The following MYH6 variants were observed in gnomAD, a reference collection of about 807,000 sequenced individuals.
The protein encoded by MYH6 is myosin-6.
MYH6 carries 126 observed loss-of-function variants against 223.2 expected under a neutral mutation model. The ratio of observed to expected loss-of-function variants is 0.56; its 90% confidence interval spans 0.49 to 0.65. The LOEUF (loss-of-function observed/expected upper bound fraction) is 0.65. Ranked by LOEUF, MYH6 falls within the 30% of genes least tolerant of loss-of-function variation. MYH6 has a pLI of 0.00. For missense variants in MYH6, 2,040 were observed against 2,536.4 expected (o/e 0.80, Z 4.20); for synonymous variants, 978 against 1,010.2 (o/e 0.97, Z 0.61).
chr14:23,393,277 C>T, intron 23 of MYH6, 65 bp downstream of exon 23: 1 of 1,602,078 alleles, frequency 6.2e-7, no homozygotes, highest in South Asian at 1.1e-5. Flanking sequence ...TCAGGACTTT[C>T]TGGGCCATTG....
At position 23,387,607 on chromosome 14, in the gene MYH6, A is replaced by G. The variant is rs558533091; in HGVS notation, c.4572T>C (p.Asn1524=). ...TGCGGACCTTCTCCAGCTCATGCAC[A>G]TTCTTTCCTCCTTCTCCTAGCTGCT... The part of the protein sequence containing the change: ...LTEQLGEGGK[N]VHELEKVRKQ... The change falls in exon 32 of 39, where the codon AAT becomes AAC. Residue 1524 remains asparagine, a synonymous_variant. Transcript: ENST00000405093. 2 of 1,613,902 alleles carry G rather than the reference A, an allele frequency of 1.2e-6. No homozygotes were observed. Among genetic ancestry groups the G allele is most frequent in the South Asian group, 2.2e-5 (2 of 91,066 alleles).
At chr14:23,382,968 G>T (rs1166299931) in intron 37 of MYH6, among the ~76,000 whole-genome samples, 2 of 151,532 alleles carry the variant, frequency 1.3e-5, no homozygotes, top group Non-Finnish European at 2.9e-5. Flanking sequence ...TTCAGCTTCG[G>T]CTGCCCCACG....
Position 23,383,339 on chromosome 14 carries a change from G to GGGGGGGGGGGGGGGAA in MYH6, c.5566-20_5566-19insTTCCCCCCCCCCCCCC. ...CCTCTGTCTGGGGGTGGGAGGGTGG[G>GGGGGGGGGGGGGGGAA]AGAAGCTGGTTTGGAGGGGGAGCAA... is the stretch of plus-strand genomic sequence containing the variant. On this transcript the variant is annotated intron_variant, in intron 36 of 38. Transcript: ENST00000405093. The GGGGGGGGGGGGGGGAA allele has an allele frequency of 9.2e-6, 1 of 108,202 alleles. No individual in the cohort carries two copies. The highest frequency in any genetic ancestry group is 2.3e-4 in the East Asian group (1 of 4,410). The allele number at this position is 108,202 out of a possible 1,614,324, so 6.7% of individuals were successfully genotyped here.
At chr14:23,401,499 C>G (rs1420366090) in intron 12 of MYH6, among the ~76,000 whole-genome samples, 1 of 152,264 alleles carries the variant, frequency 6.6e-6, no homozygotes, top group Non-Finnish European at 1.5e-5. Flanking sequence ...GGCCCATGGC[C>G]TCTTGCCACA....
intron 15 of MYH6, among the ~76,000 whole-genome samples, chr14:23,398,405 C>T (rs1473085089): frequency 2.0e-5 from 3 of 152,196 alleles, no homozygotes; most frequent in Non-Finnish European, 4.4e-5. Flanking sequence ...TGTTCAGTGT[C>T]CTCTCAACAT....
rs201683868 is a variant in MYH6 at position 23,386,452 on chromosome 14, G to A, written c.4822C>T (p.Arg1608Cys). 45 of 1,614,022 alleles carry A rather than the reference G, an allele frequency of 2.8e-5. No homozygotes were observed. Among genetic ancestry groups the A allele is most frequent in the African/African-American group, 6.7e-5 (5 of 74,886 alleles). The change falls in exon 33 of 39, where the codon CGC becomes TGC. Residue 1608 changes from arginine (R) to cysteine (C), a missense_variant. This residue lies in a region of MYH6 where 1,203 missense variants were observed against 1,400.2 expected (regional missense o/e 0.86). Transcript: ENST00000405093. ...SLQTSLDAETRSRNEVLRVKK... is the reference protein window; with the variant it reads ...SLQTSLDAETCSRNEVLRVKK... ...ACCCTCAGGACCTCGTTGCGGCTGCGTGTCTCTGCATCCAGGGAGGTCTGC... is the reference window on the plus strand; with the variant it reads ...ACCCTCAGGACCTCGTTGCGGCTGCATGTCTCTGCATCCAGGGAGGTCTGC...
At chr14:23,402,858 GCAGGTA>G in intron 10 of MYH6, 58 bp from the exon 11 acceptor site, 1 of 1,182,592 alleles carries the variant, frequency 8.5e-7, no homozygotes, top group Admixed American at 1.8e-5. Flanking sequence ...CAGGGAAGGG[GCAGGTA>G]GAGTTGGGAA....
chr14:23,395,275 A>T (rs1322891203), intron 20 of MYH6, among the ~76,000 whole-genome samples: 1 of 152,256 alleles, frequency 6.6e-6, no homozygotes, highest in Non-Finnish European at 1.5e-5. Flanking sequence ...GTTTACTAAC[A>T]ATATGCTTTA....
At position 23,387,828 on chromosome 14, in the gene MYH6, C is replaced by G. The variant is rs376316942; in HGVS notation, c.4455G>C (p.Lys1485Asn). The G allele has an allele frequency of 3.1e-6, 5 of 1,614,112 alleles. No homozygotes were observed. The South Asian group carries it at 4.4e-5, about 14-fold the overall frequency. ...GGGACTCCTCGTAGGCGTTCTTGAG[C>G]TTGAAGAGCTCTGTGCTGAGGGAGC... ...EARSLSTELF[K>N]LKNAYEESLE... is the part of the protein sequence containing the mutation. The change falls in exon 31 of 39, where the codon AAG becomes AAC. Residue 1485 changes from lysine to asparagine, a missense_variant. Lys to Asn is a moderately conservative substitution (Grantham distance 94, BLOSUM62 0). Transcript: ENST00000405093.
intron 25 of MYH6, 124 bp downstream of exon 25, chr14:23,392,438 A>G: frequency 1.2e-6 from 1 of 807,894 alleles, no homozygotes; most frequent in Non-Finnish European, 2.2e-6. Context: ...TAAGTCAGGG[A>G]TGGTTGGGTC....
At chr14:23,401,379 A>G (rs1891596414) in intron 12 of MYH6, among the ~76,000 whole-genome samples, 2 of 152,196 alleles carry the variant, frequency 1.3e-5, no homozygotes, top group East Asian at 3.9e-4. Context: ...ATCAGGTCCA[A>G]TTTCTTTTCC....
chr14:23,387,432 T>C (rs1223151776), intron 32 of MYH6, 97 bp downstream of exon 32: 2 of 1,572,086 alleles, frequency 1.3e-6, no homozygotes, highest in Non-Finnish European at 1.7e-6. Context: ...ATGGAATGAA[T>C]AGATTTTGTC....
At chr14:23,392,682 G>T in intron 24 of MYH6, 30 bp from the exon 25 acceptor site, 1 of 1,454,734 alleles carries the variant, frequency 6.9e-7, no homozygotes, top group South Asian at 1.1e-5. Flanking sequence ...GTGGGGGAGT[G>T]ACAGGTAGCC....
chr14:23,403,543 G>A (rs1013065935), intron 9 of MYH6, 97 bp from the exon 10 acceptor site: 14 of 1,212,044 alleles, frequency 1.2e-5, no homozygotes, highest in Non-Finnish European at 1.6e-5. Flanking sequence ...GGCACCCACA[G>A]CTTGATGAAG....
rs541072272 is a variant in MYH6 at position 23,405,938 on chromosome 14, G to A, written c.202-168C>T. ...ATGTCCCCTGGGACACTTTCCCCAGGTAATTTCCCTTCCCATTGTATCTCC... is the reference window on the plus strand; with the variant it reads ...ATGTCCCCTGGGACACTTTCCCCAGATAATTTCCCTTCCCATTGTATCTCC... On this transcript the variant is annotated intron_variant, in intron 3 of 38. Transcript: ENST00000405093. The surrounding 1 kb of genome is among the most constrained non-coding windows in gnomAD (Gnocchi z 4.7). 1.3e-5 allele frequency among the ~76,000 whole-genome samples: 2 copies of A among 152,196 alleles called. No homozygotes were observed. Among genetic ancestry groups the A allele is most frequent in the East Asian group, 3.9e-4 (2 of 5,162 alleles).
intron 18 of MYH6, 53 bp from the exon 19 acceptor site, chr14:23,396,870 C>A (rs995515173): frequency 8.1e-6 from 13 of 1,612,920 alleles, no homozygotes; most frequent in Non-Finnish European, 1.1e-5. Flanking sequence ...TCTGCTCTGC[C>A]CACAGAATTC....
At position 23,398,867 on chromosome 14, in the gene MYH6, G is replaced by A. The variant is rs756971568; in HGVS notation, c.1752C>T (p.Ala584=). 4.3e-5 allele frequency: 69 copies of A among 1,613,958 alleles called. No homozygotes were observed. The highest frequency in any genetic ancestry group is 3.3e-4 in the Middle Eastern group (2 of 6,082). Residue 584 remains alanine (A), a synonymous_variant, in exon 15 of 39, where the codon GCC becomes GCT. Transcript: ENST00000405093. ...CCAGGATGTTGTAGTCCACAGTGCC[G>A]GCGTAGTGGATCAGGGAGAAGTGGG... ...QEAHFSLIHY[A]GTVDYNILGW...
intron 36 of MYH6, 101 bp from the exon 37 acceptor site, chr14:23,383,421 C>T (rs966213392): frequency 5.4e-6 from 5 of 924,684 alleles, no homozygotes; most frequent in Non-Finnish European, 6.8e-6. Context: ...CCTTTGCTGC[C>T]CCTCCCTGCA....
intron 3 of MYH6, among the ~76,000 whole-genome samples, chr14:23,406,532 T>C (rs7148648): frequency 0.2 from 30,205 of 152,068 alleles, 4,742 homozygotes; most frequent in African/African-American, 0.44. Context: ...TCTTGGCTGG[T>C]GTGAGCAAAC....
Sources: allele counts gnomAD v4.1 joint callset (sites outside exome capture counted in the v4.1 genomes callset), GRCh38; gene constraint gnomAD v4.1.1; regional missense constraint gnomAD v4.1.1; non-coding constraint Gnocchi (gnomAD v3.1); transcripts MANE v1.5; gene names NCBI Gene and HGNC (gene_info 2026-07-23, HGNC 2026-07-21).